The following ZHX3 variants were observed in gnomAD, a reference collection of about 807,000 sequenced individuals.
ZHX3 encodes zinc fingers and homeoboxes protein 3.
Under a neutral mutation model 64.5 loss-of-function variants are expected in ZHX3, and 20 were observed. The ratio of observed to expected loss-of-function variants is 0.31; its 90% confidence interval spans 0.22 to 0.45. ZHX3 has a LOEUF of 0.45. Ranked by LOEUF, ZHX3 falls within the 20% of genes least tolerant of loss-of-function variation. The probability of loss-of-function intolerance (pLI) is 1.00; values close to 1 mark genes in which losing one functional copy is unlikely to be tolerated. For missense variants in ZHX3, 1,041 were observed against 1,195.8 expected (o/e 0.87, Z 1.91); for synonymous variants, 423 against 461.6 (o/e 0.92, Z 1.07).
At chr20:41,213,159 A>G (rs1037012951) in intron 2 of ZHX3, among the ~76,000 whole-genome samples, 1 of 152,218 alleles carries the variant, frequency 6.6e-6, no homozygotes, top group Non-Finnish European at 1.5e-5. Context: ...AGGCAAATCC[A>G]TAGAGGCAGA....
At chr20:41,245,613 C>T (rs1354833687) in intron 2 of ZHX3, among the ~76,000 whole-genome samples, 1 of 152,230 alleles carries the variant, frequency 6.6e-6, no homozygotes, top group Non-Finnish European at 1.5e-5. Context: ...TCCTGCTCTG[C>T]TCCTATGCTC....
chr20:41,315,531 G>A (rs2146853312), intron 1 of ZHX3, among the ~76,000 whole-genome samples: 1 of 152,048 alleles, frequency 6.6e-6, no homozygotes, highest in Non-Finnish European at 1.5e-5. Flanking sequence ...CTCGAAGTGA[G>A]GATGGTTGTT....
intron 1 of ZHX3, among the ~76,000 whole-genome samples, chr20:41,301,242 G>A (rs772324821): frequency 1.2e-4 from 18 of 151,088 alleles, no homozygotes; most frequent in Admixed American, 5.3e-4. Context: ...TTCCCCCACC[G>A]ACTACACTCA....
rs1333876087 is a variant in ZHX3, at chr20:41,200,167, G to T, written c.2860+1890C>A. Among the ~76,000 whole-genome samples the T allele has an allele frequency of 6.6e-6, 1 of 152,190 alleles. No individual in the cohort carries two copies. Among genetic ancestry groups the T allele is most frequent in the Non-Finnish European group, 1.5e-5 (1 of 68,026 alleles). The stretch of plus-strand genomic sequence containing the variant: ...TCCATCAAGCTCTTCCCTGGATGTT[G>T]CAAGTGTTCAACTAGACTTCTGAGT... On this transcript the variant is annotated intron_variant, in intron 3 of 3. Transcript: ENST00000683867. This position sits in a 1 kb window ranked among gnomAD's most constrained non-coding sequence, Gnocchi z 4.2.
At chr20:41,304,016 C>T (rs527948568) in intron 1 of ZHX3, among the ~76,000 whole-genome samples, 1 of 152,164 alleles carries the variant, frequency 6.6e-6, no homozygotes, top group African/African-American at 2.4e-5. Flanking sequence ...GGACAACTTC[C>T]AACATTTCTC....
chr20:41,311,127 T>C (rs1386939509), intron 1 of ZHX3, among the ~76,000 whole-genome samples: 1 of 152,192 alleles, frequency 6.6e-6, no homozygotes, highest in Non-Finnish European at 1.5e-5. Flanking sequence ...ATAATTTTTA[T>C]AAATTCAAAA....
At chr20:41,298,122 A>C (rs1205752740) in intron 1 of ZHX3, among the ~76,000 whole-genome samples, 1 of 152,158 alleles carries the variant, frequency 6.6e-6, no homozygotes. Context: ...AGTAAATACA[A>C]AGTACAAGAG....
intron 1 of ZHX3, among the ~76,000 whole-genome samples, chr20:41,282,482 C>T (rs2043736486): frequency 6.6e-6 from 1 of 150,700 alleles, no homozygotes; most frequent in Non-Finnish European, 1.5e-5. Flanking sequence ...CCTCAGCCTC[C>T]TGAGTAGTTG....
Position 41,204,052 on chromosome 20 carries a change from G to C in ZHX3, c.865C>G (p.Pro289Ala). 6.2e-7 allele frequency: 1 copy of C among 1,613,584 alleles called. No individual in the cohort carries two copies. Among genetic ancestry groups the C allele is most frequent in the South Asian group, 1.1e-5 (1 of 90,986 alleles). ...GGAAGGGCCTTGGCCGTGGGCAGTG[G>C]CTGGTGGACATGGTGTTGGGCATGC... ...PVHAQHHVHQ[P>A]LPTAKALPKV... Residue 289 changes from proline (P) to alanine (A), a missense_variant, in exon 3 of 4, where the codon CCA (proline) becomes GCA (alanine). By Grantham distance (27) the Pro-to-Ala change is conservative. Around this residue, in one of 4 missense-constraint regions of ZHX3, gnomAD observed 358 missense variants for 369.1 expected, o/e 0.97. Coordinates refer to ENST00000683867, the MANE Select transcript of ZHX3 (RefSeq NM_001384317.1). The surrounding 1 kb of genome is among the most constrained non-coding windows in gnomAD (Gnocchi z 6.6).
chr20:41,188,814 CT>C lies in ZHX3; in HGVS notation c.2861-3614del, dbSNP rs1208754123. Among the ~76,000 whole-genome samples the C allele has an allele frequency of 3.9e-5, 6 of 152,250 alleles. No individual in the cohort carries two copies. In the East Asian group the frequency reaches 1.2e-3, roughly 29 times the overall value. Reference sequence around the variant, plus strand: ...TTTTCTCCCACTCAACATATTGTCTCTGTGCTGATTATTTCCTTTGCTATGC... The same window carrying C: ...TTTTCTCCCACTCAACATATTGTCTCGTGCTGATTATTTCCTTTGCTATGC... On this transcript the variant is annotated intron_variant, in intron 3 of 3. Transcript: ENST00000683867.
At chr20:41,265,098 G>C (rs1209115301) in intron 2 of ZHX3, among the ~76,000 whole-genome samples, 1 of 149,606 alleles carries the variant, frequency 6.7e-6, no homozygotes, top group Non-Finnish European at 1.5e-5. Flanking sequence ...ATGAAGGAGA[G>C]ACACAAATAC....
intron 1 of ZHX3, among the ~76,000 whole-genome samples, chr20:41,270,680 A>C (rs946046370): frequency 1.3e-5 from 2 of 150,278 alleles, no homozygotes; most frequent in African/African-American, 4.9e-5. Context: ...CGTCTCAGAA[A>C]AAAAAAAAAA....
At chr20:41,205,540 T>A (rs1311412588) in intron 2 of ZHX3, among the ~76,000 whole-genome samples, 1 of 146,192 alleles carries the variant, frequency 6.8e-6, no homozygotes, top group African/African-American at 2.5e-5. Context: ...AGGGACCAAG[T>A]TAGCTGCAGT....
Position 41,200,111 on chromosome 20 carries a change from CA to C in ZHX3, c.2860+1945del, listed in dbSNP as rs11086800. Reference sequence around the variant, plus strand: ...GCTGCAGAGCTTGCGGATGCTGAAACAAAAAAAAACCATCAAAATTTGTAAG... The same window carrying C: ...GCTGCAGAGCTTGCGGATGCTGAAACAAAAAAAACCATCAAAATTTGTAAG... On this transcript the variant is annotated intron_variant, in intron 3 of 3. Coordinates refer to ENST00000683867, the MANE Select transcript of ZHX3 (RefSeq NM_001384317.1). The surrounding 1 kb of genome is among the most constrained non-coding windows in gnomAD (Gnocchi z 4.2). 0.43 allele frequency among the ~76,000 whole-genome samples: 65,039 copies of C among 151,344 alleles called. 16,164 individuals are homozygous for C. Among genetic ancestry groups the C allele is most frequent in the East Asian group, 0.81 (4,152 of 5,152 alleles).
At chr20:41,230,052 A>T (rs1450614025) in intron 2 of ZHX3, among the ~76,000 whole-genome samples, 2 of 152,220 alleles carry the variant, frequency 1.3e-5, no homozygotes, top group African/African-American at 4.8e-5. Flanking sequence ...CTTGTAAAAA[A>T]TCATTTGACC....
intron 2 of ZHX3, among the ~76,000 whole-genome samples, chr20:41,245,143 G>A (rs1294544799): frequency 6.6e-6 from 1 of 152,200 alleles, no homozygotes; most frequent in Admixed American, 6.5e-5. Flanking sequence ...TCTGGGCAAG[G>A]CACATTGCAT....
At chr20:41,306,138 C>T (rs1406701279) in intron 1 of ZHX3, among the ~76,000 whole-genome samples, 3 of 152,072 alleles carry the variant, frequency 2.0e-5, no homozygotes, top group African/African-American at 2.4e-5. Flanking sequence ...TATTAATATA[C>T]ATTAGAATTA....
intron 2 of ZHX3, among the ~76,000 whole-genome samples, chr20:41,215,785 A>AT (rs1305614863): frequency 6.6e-6 from 1 of 150,502 alleles, no homozygotes; most frequent in Non-Finnish European, 1.5e-5. Flanking sequence ...AAAAAAAAAA[A>AT]AAAAAAATAC....
chr20:41,282,235 A>G (rs923110274), intron 1 of ZHX3, among the ~76,000 whole-genome samples: 1 of 152,212 alleles, frequency 6.6e-6, no homozygotes, highest in Non-Finnish European at 1.5e-5. Flanking sequence ...TATGCTGCAA[A>G]TGCCAAAGGC....
Sources: gnomAD v4.1 joint callset for allele counts (sites outside exome capture counted in the v4.1 genomes callset) on GRCh38, gnomAD v4.1.1 for gene constraint, gnomAD v4.1.1 regional missense constraint, Gnocchi (gnomAD v3.1) non-coding constraint, MANE v1.5 for transcripts, NCBI Gene and HGNC (gene_info 2026-07-23, HGNC 2026-07-21) for gene names.